RBFOX1: variants seen among roughly 807,000 people sequenced by gnomAD.
RBFOX1 encodes the protein RNA binding protein fox-1 homolog 1.
Under a neutral mutation model 57.7 loss-of-function variants are expected in RBFOX1, and 8 were observed. The ratio of observed to expected loss-of-function variants is 0.14; its 90% CI spans 0.08 to 0.25. The LOEUF is 0.25. Among genes scored for constraint, RBFOX1 ranks in the 10% least tolerant of loss-of-function variants. The pLI, the probability that RBFOX1 is intolerant of heterozygous loss-of-function variation, is 1.00. For missense variants in RBFOX1, 611 were observed against 548.5 expected, an observed-to-expected ratio of 1.11 and a Z score of -1.14; for synonymous variants, 326 against 222.4, an observed-to-expected ratio of 1.47 and a Z score of -4.15.
intron 1 of RBFOX1, among the ~76,000 whole-genome samples, chr16:6,261,370 C>T (rs1444078160): frequency 1.3e-5 from 2 of 152,162 alleles, no homozygotes; most frequent in African/African-American, 4.8e-5. Flanking sequence ...CTACCTAGTA[C>T]CAAAATAGTA....
intron 1 of RBFOX1, among the ~76,000 whole-genome samples, chr16:6,063,500 CA>C (rs1437388661): frequency 4.4e-4 from 20 of 45,532 alleles, no homozygotes; most frequent in Non-Finnish European, 9.6e-4. Context: ...CACACACACA[CA>C]CACACCCCCT....
At chr16:6,487,104 T>G (rs946879293) in intron 2 of RBFOX1, among the ~76,000 whole-genome samples, 1 of 151,912 alleles carries the variant, frequency 6.6e-6, no homozygotes, top group African/African-American at 2.4e-5. Flanking sequence ...AAATAAAGTT[T>G]CTATGAAAAG....
At chr16:7,355,218 G>A (rs759046668) in intron 4 of RBFOX1, among the ~76,000 whole-genome samples, 4 of 152,210 alleles carry the variant, frequency 2.6e-5, no homozygotes, top group Admixed American at 6.5e-5. Context: ...TGTGCTCCTC[G>A]TCCTTCTAAC....
chr16:6,431,648 G>T (rs1448510339), intron 2 of RBFOX1, among the ~76,000 whole-genome samples: 1 of 152,072 alleles, frequency 6.6e-6, no homozygotes, highest in East Asian at 1.9e-4. Flanking sequence ...GGTCTTGGCA[G>T]GTATTACAAG....
At chr16:5,672,807 C>G (rs1010325536) in intron 3 of RBFOX1, among the ~76,000 whole-genome samples, 3 of 152,200 alleles carry the variant, frequency 2.0e-5, no homozygotes, top group Non-Finnish European at 4.4e-5. Flanking sequence ...ATGGTCCTAC[C>G]TAGACCAGAG....
At chr16:6,706,592 CTA>C (rs1203110987) in intron 3 of RBFOX1, among the ~76,000 whole-genome samples, 6 of 152,090 alleles carry the variant, frequency 3.9e-5, no homozygotes, top group Non-Finnish European at 8.8e-5. Flanking sequence ...TGCCATTGCT[CTA>C]ATAGAGTTGT....
chr16:5,340,278 A>T (rs909601652), intron 1 of RBFOX1, among the ~76,000 whole-genome samples: 1 of 152,174 alleles, frequency 6.6e-6, no homozygotes, highest in Non-Finnish European at 1.5e-5. Flanking sequence ...ATACTGGGGA[A>T]AGGGGAGGAA....
At chr16:6,545,203 C>G (rs1447206870) in intron 2 of RBFOX1, among the ~76,000 whole-genome samples, 1 of 152,202 alleles carries the variant, frequency 6.6e-6, no homozygotes, top group Admixed American at 6.5e-5. Flanking sequence ...CCTAACTGGT[C>G]TCCCTCTTTT....
chr16:7,408,344 A>G (rs538469180), intron 4 of RBFOX1, among the ~76,000 whole-genome samples: 1 of 152,324 alleles, frequency 6.6e-6, no homozygotes, highest in South Asian at 2.1e-4. Flanking sequence ...CGGCGACTGT[A>G]TTCATTTTGA....
chr16:6,272,231 T>G (rs1472373962), intron 1 of RBFOX1, among the ~76,000 whole-genome samples: 3 of 152,170 alleles, frequency 2.0e-5, no homozygotes, highest in African/African-American at 7.2e-5. Flanking sequence ...AGAAACATAC[T>G]TGATAAAATT....
At chr16:6,821,343 T>C (rs185499266) in intron 3 of RBFOX1, among the ~76,000 whole-genome samples, 62 of 152,330 alleles carry the variant, frequency 4.1e-4, no homozygotes, top group African/African-American at 1.4e-3. Context: ...TGTCCCCAAA[T>C]TGGAAAACTA....
chr16:6,697,436 A>G (rs1031698789), intron 3 of RBFOX1, among the ~76,000 whole-genome samples: 1 of 152,212 alleles, frequency 6.6e-6, no homozygotes, highest in Non-Finnish European at 1.5e-5. Flanking sequence ...GGCTCATAGG[A>G]AACAGCCCAC....
At chr16:7,400,858 G>A (rs1395216385) in intron 4 of RBFOX1, among the ~76,000 whole-genome samples, 1 of 152,198 alleles carries the variant, frequency 6.6e-6, no homozygotes, top group African/African-American at 2.4e-5. Context: ...GTGATATTTA[G>A]GGGATCTTCT....
intron 4 of RBFOX1, among the ~76,000 whole-genome samples, chr16:7,101,968 A>G (rs1055106974): frequency 5.9e-5 from 9 of 152,168 alleles, no homozygotes; most frequent in South Asian, 2.1e-4. Flanking sequence ...CCACAAGCCT[A>G]GTGCTGTATC....
At chr16:6,032,406 G>T (rs904470498) in intron 1 of RBFOX1, among the ~76,000 whole-genome samples, 3 of 152,016 alleles carry the variant, frequency 2.0e-5, no homozygotes, top group Non-Finnish European at 4.4e-5. Context: ...TATTCATTCC[G>T]TAGCACTCCA....
chr16:6,880,258 G>A (rs147404347), intron 3 of RBFOX1, among the ~76,000 whole-genome samples: 1 of 152,146 alleles, frequency 6.6e-6, no homozygotes, highest in Non-Finnish European at 1.5e-5. Flanking sequence ...AAAGAGCAGA[G>A]TTAACCTTGG....
At chr16:6,950,745 C>T (rs953744597) in intron 3 of RBFOX1, among the ~76,000 whole-genome samples, 2 of 152,042 alleles carry the variant, frequency 1.3e-5, no homozygotes, top group African/African-American at 4.8e-5. Context: ...GATTTGCGGC[C>T]ATGTAATATG....
chr16:7,158,724 CTGTT>C (rs145186474), intron 4 of RBFOX1, among the ~76,000 whole-genome samples: 33,291 of 150,270 alleles, frequency 0.22, 4,469 homozygotes, highest in East Asian at 0.39. Context: ...GTGCATGCAT[CTGTT>C]TGGTGTGTGT....
chr16:5,782,385 C>T (rs78380348), intron 3 of RBFOX1, among the ~76,000 whole-genome samples: 3 of 152,170 alleles, frequency 2.0e-5, no homozygotes, highest in Non-Finnish European at 4.4e-5. Context: ...GGAGTACACT[C>T]TCTCAGTCAA....
Sources: allele counts gnomAD v4.1 joint callset (sites outside exome capture counted in the v4.1 genomes callset), GRCh38; gene constraint gnomAD v4.1.1; transcripts MANE v1.5; gene names NCBI Gene and HGNC (gene_info 2026-07-23, HGNC 2026-07-21).